The following CNKSR3 variants were observed in gnomAD, a reference collection of about 807,000 sequenced individuals.
CNKSR3 encodes the protein connector enhancer of kinase suppressor of ras 3.
In CNKSR3, 36 loss-of-function variants were observed where a neutral mutation model predicts 67.7. The ratio of observed to expected loss-of-function variants is 0.53; its 90% CI spans 0.41 to 0.70. CNKSR3 has a LOEUF of 0.70. Among genes scored for constraint, CNKSR3 ranks in the 30% least tolerant of loss-of-function variants. CNKSR3 has a pLI of 0.00. For missense variants in CNKSR3, 630 were observed against 695.2 expected, an observed-to-expected ratio of 0.91 and a Z score of 1.05; for synonymous variants, 281 against 271.4, an observed-to-expected ratio of 1.04 and a Z score of -0.35.
At chr6:154,443,890 G>A (rs1408471060) in intron 2 of CNKSR3, among the ~76,000 whole-genome samples, 1 of 152,108 alleles carries the variant, frequency 6.6e-6, no homozygotes, top group Non-Finnish European at 1.5e-5. Context: ...TCTTGCTCTT[G>A]TGCTTCTAAC....
rs1787085014 is a variant in CNKSR3, at chr6:154,505,630, T to G, written c.52+4433A>C. On this transcript the variant is annotated intron_variant, in intron 1 of 12. Coordinates refer to ENST00000607772, the MANE Select transcript of CNKSR3 (RefSeq NM_173515.4). The stretch of plus-strand genomic sequence containing the variant: ...CTCCTGCCTCAGCCTCCCGAGTAGC[T>G]GGGACTACAGGCGCCCACCACCACA... Among the ~76,000 whole-genome samples, 2 of 151,052 alleles carry G rather than the reference T, an allele frequency of 1.3e-5. 1 individual carries two copies. Among genetic ancestry groups the G allele is most frequent in the South Asian group, 4.2e-4 (2 of 4,798 alleles).
chr6:154,428,514 A>G (rs1785300568), intron 6 of CNKSR3, among the ~76,000 whole-genome samples: 1 of 152,168 alleles, frequency 6.6e-6, no homozygotes, highest in Admixed American at 6.6e-5. Flanking sequence ...TCAAACAACA[A>G]CTGTTCTATT....
intron 1 of CNKSR3, among the ~76,000 whole-genome samples, chr6:154,506,145 C>T (rs920645625): frequency 2.0e-5 from 3 of 151,912 alleles, no homozygotes; most frequent in Non-Finnish European, 2.9e-5. Flanking sequence ...CATGTAAATC[C>T]CTGTTGCCTG....
At chr6:154,461,147 G>C (rs1215120150) in intron 1 of CNKSR3, among the ~76,000 whole-genome samples, 1 of 152,172 alleles carries the variant, frequency 6.6e-6, no homozygotes, top group Non-Finnish European at 1.5e-5. Context: ...GTGACCCCAC[G>C]GAGGGTGCTG....
At chr6:154,428,968 C>T (rs1785309765) in intron 6 of CNKSR3, among the ~76,000 whole-genome samples, 1 of 152,126 alleles carries the variant, frequency 6.6e-6, no homozygotes, top group Admixed American at 6.5e-5. Flanking sequence ...AATAACAAAG[C>T]ATAGGTAGCA....
At position 154,394,576 on chromosome 6, in the gene CNKSR3, G is replaced by T. The variant is rs2128708377; in HGVS notation, c.*11778C>A. 6.7e-6 allele frequency: 1 copy of T among 149,710 alleles called. No individual in the cohort carries two copies. The highest frequency in any genetic ancestry group is 2.1e-4 in the South Asian group (1 of 4,740). The allele number at this position is 149,710 out of a possible 1,614,324, so 9.3% of individuals were successfully genotyped here. On this transcript the variant is annotated 3_prime_UTR_variant, in exon 13 of 13. Coordinates refer to ENST00000607772, the MANE Select transcript of CNKSR3 (RefSeq NM_173515.4). Reference sequence around the variant, plus strand: ...TTAGTGTGTAAAGTCACTGAGATTTGGGGGTTGTTTGTTATAGCATGAGCC... The same window carrying T: ...TTAGTGTGTAAAGTCACTGAGATTTTGGGGTTGTTTGTTATAGCATGAGCC...
intron 2 of CNKSR3, 68 bp downstream of exon 2, chr6:154,450,027 T>A: frequency 6.9e-7 from 1 of 1,443,030 alleles, no homozygotes; most frequent in Non-Finnish European, 9.4e-7. Flanking sequence ...TCACAAACAA[T>A]GACGGCTTAA....
chr6:154,435,288 C>G (rs532877924), intron 4 of CNKSR3, among the ~76,000 whole-genome samples: 53 of 152,268 alleles, frequency 3.5e-4, no homozygotes, highest in African/African-American at 1.2e-3. Flanking sequence ...GGTCACCACA[C>G]CCGGCCCACA....
At position 154,389,739 on chromosome 6, in the gene CNKSR3, T is replaced by C. The variant is rs913868746; in HGVS notation, c.*16615A>G. 1 of 152,212 alleles carries C rather than the reference T, an allele frequency of 6.6e-6. No homozygotes were observed. The highest frequency in any genetic ancestry group is 1.5e-5 in the Non-Finnish European group (1 of 68,040). 9.4% of individuals were successfully genotyped at this position (152,212 alleles called of 1,614,324 possible). A position where few individuals can be genotyped will look rare whatever the true frequency, so the allele number is the denominator to read the frequency against. ...ATCAACATACAAAAATCAGTTGCGATTTCTATACATTAACACAGAACTATC... is the reference window on the plus strand; with the variant it reads ...ATCAACATACAAAAATCAGTTGCGACTTCTATACATTAACACAGAACTATC... On this transcript the variant is annotated 3_prime_UTR_variant, in exon 13 of 13. Transcript: ENST00000607772.
chr6:154,441,609 G>A (rs186975928), intron 3 of CNKSR3, among the ~76,000 whole-genome samples: 74 of 152,186 alleles, frequency 4.9e-4, no homozygotes, highest in East Asian at 1.9e-4. Flanking sequence ...TCAGCCTCCC[G>A]AGTAGCTGGG....
intron 1 of CNKSR3, among the ~76,000 whole-genome samples, chr6:154,498,164 G>A (rs1283547597): frequency 1.3e-5 from 2 of 152,068 alleles, no homozygotes; most frequent in African/African-American, 4.8e-5. Flanking sequence ...TAGGAATAAC[G>A]GAATTAGGTA....
chr6:154,454,102 CACAGAGAGAGAG>C (rs1438710681), intron 1 of CNKSR3, among the ~76,000 whole-genome samples: 4 of 115,224 alleles, frequency 3.5e-5, no homozygotes, highest in East Asian at 2.8e-4. Flanking sequence ...CACACACACA[CACAGAGAGAGAG>C]AGAGAGAGAG....
At chr6:154,476,282 C>T (rs1288246277) in intron 1 of CNKSR3, among the ~76,000 whole-genome samples, 1 of 151,960 alleles carries the variant, frequency 6.6e-6, no homozygotes, top group East Asian at 1.9e-4. Context: ...CATGGCGAGA[C>T]CCTGTCTCTA....
At position 154,390,054 on chromosome 6, in the gene CNKSR3, C is replaced by T. The variant is rs950074007; in HGVS notation, c.*16300G>A. 6.6e-6 allele frequency: 1 copy of T among 152,126 alleles called. No homozygotes were observed. The highest frequency in any genetic ancestry group is 1.9e-4 in the East Asian group (1 of 5,202). The allele number at this position is 152,126 out of a possible 1,614,324, so 9.4% of individuals were successfully genotyped here. A position where few individuals can be genotyped will look rare whatever the true frequency, so the allele number is the denominator to read the frequency against. On this transcript the variant is annotated 3_prime_UTR_variant, in exon 13 of 13. Transcript: ENST00000607772. Reference sequence around the variant, plus strand: ...ACATCATCATCAGTCCACACATATCCCTCTTTTATTTCATTTCATTTTGAA... The same window carrying T: ...ACATCATCATCAGTCCACACATATCTCTCTTTTATTTCATTTCATTTTGAA...
chr6:154,404,945 G>A lies in CNKSR3; in HGVS notation c.*1409C>T, dbSNP rs1784758208. On this transcript the variant is annotated 3_prime_UTR_variant, in exon 13 of 13. Coordinates refer to ENST00000607772, the MANE Select transcript of CNKSR3 (RefSeq NM_173515.4). ...ACCAGAAGCATTTTAAAGGGAAGATGTTTCCTAACTCCAGTGATTTTCATG... is the reference window on the plus strand; with the variant it reads ...ACCAGAAGCATTTTAAAGGGAAGATATTTCCTAACTCCAGTGATTTTCATG... The A allele has an allele frequency of 6.6e-6, 1 of 152,202 alleles. No individual in the cohort carries two copies. Among genetic ancestry groups the A allele is most frequent in the Non-Finnish European group, 1.5e-5 (1 of 68,030 alleles). 9.4% of individuals were successfully genotyped at this position (152,202 alleles called of 1,614,324 possible).
intron 7 of CNKSR3, among the ~76,000 whole-genome samples, chr6:154,426,032 G>A (rs558203935): frequency 6.6e-6 from 1 of 152,336 alleles, no homozygotes; most frequent in South Asian, 2.1e-4. Flanking sequence ...AGAAGACTTA[G>A]ACTTACTTAG....
At chr6:154,414,823 C>A in intron 9 of CNKSR3, 2 of 475,074 alleles carry the variant, frequency 4.2e-6, no homozygotes, top group Non-Finnish European at 8.7e-6. Context: ...CTGGGCACGG[C>A]GGTTCTTGCC....
intron 2 of CNKSR3, among the ~76,000 whole-genome samples, chr6:154,448,288 T>C (rs1362592668): frequency 6.6e-6 from 1 of 151,900 alleles, no homozygotes. Flanking sequence ...TTCCTGCCTC[T>C]CTTACTTTGG....
At position 154,490,410 on chromosome 6, in the gene CNKSR3, TATATC is replaced by T. The variant is rs200304132; in HGVS notation, c.52+19648_52+19652del. Among the ~76,000 whole-genome samples, 8 of 152,328 alleles carry T rather than the reference TATATC, an allele frequency of 5.3e-5. No individual in the cohort carries two copies. The East Asian group carries it at 1.3e-3, about 26-fold the overall frequency. On this transcript the variant is annotated intron_variant, in intron 1 of 12. Coordinates refer to ENST00000607772, the MANE Select transcript of CNKSR3 (RefSeq NM_173515.4). ...ATTTATATGTATGTATCTAAGTATA[TATATC>T]ATATGTATTATGCATGTATATATGA...
Sources: allele counts gnomAD v4.1 joint callset (sites outside exome capture counted in the v4.1 genomes callset), GRCh38; gene constraint gnomAD v4.1.1; transcripts MANE v1.5; gene names NCBI Gene and HGNC (gene_info 2026-07-23, HGNC 2026-07-21).